SLC49A4: variants seen among roughly 807,000 people sequenced by gnomAD.
SLC49A4 encodes disrupted in renal cancer protein 2.
SLC49A4 carries 36 observed loss-of-function variants against 50.6 expected under a neutral mutation model. The observed-to-expected ratio is 0.71, with a 90% CI of 0.55 to 0.94. The LOEUF is 0.94. Among genes scored for constraint, SLC49A4 ranks in the 40% least tolerant of loss-of-function variants. SLC49A4 has a pLI of 0.00. For missense variants in SLC49A4, 503 were observed against 605.7 expected (o/e 0.83, Z 1.78); for synonymous variants, 248 against 241.2 (o/e 1.03, Z -0.26).
intron 8 of SLC49A4, among the ~76,000 whole-genome samples, chr3:122,878,060 A>G (rs574031430): frequency 6.6e-6 from 1 of 152,350 alleles, no homozygotes; most frequent in South Asian, 2.1e-4. Context: ...TTTTCTTGCC[A>G]GTCAGTTTTC....
intron 2 of SLC49A4, among the ~76,000 whole-genome samples, chr3:122,816,985 G>A (rs2107561298): frequency 6.6e-6 from 1 of 152,232 alleles, no homozygotes; most frequent in South Asian, 2.1e-4. Context: ...ATGACCCTGG[G>A]GTAATAGTTA....
chr3:122,876,278 T>C (rs191068755), intron 8 of SLC49A4, among the ~76,000 whole-genome samples: 2 of 152,330 alleles, frequency 1.3e-5, no homozygotes, highest in East Asian at 3.9e-4. Context: ...TTACTTTTTG[T>C]TCTAGAAGCT....
intron 1 of SLC49A4, among the ~76,000 whole-genome samples, chr3:122,804,015 C>T (rs1464038083): frequency 6.6e-6 from 1 of 152,068 alleles, no homozygotes; most frequent in Non-Finnish European, 1.5e-5. Flanking sequence ...TAGGCAGTTC[C>T]TACATTGCTA....
intron 4 of SLC49A4, among the ~76,000 whole-genome samples, chr3:122,841,329 G>C (rs753405845): frequency 2.0e-5 from 3 of 152,066 alleles, no homozygotes; most frequent in Non-Finnish European, 4.4e-5. Context: ...TTCTCTTTTG[G>C]TCTCTTCTTT....
chr3:122,864,945 C>T (rs1305341384), intron 7 of SLC49A4, among the ~76,000 whole-genome samples: 3 of 152,030 alleles, frequency 2.0e-5, no homozygotes, highest in African/African-American at 4.8e-5. Context: ...CCTGGAAGTT[C>T]GAGGCTGTAG....
chr3:122,825,703 A>C (rs1365246147), intron 2 of SLC49A4, among the ~76,000 whole-genome samples: 1 of 98,162 alleles, frequency 1.0e-5, no homozygotes, highest in Non-Finnish European at 2.5e-5. Flanking sequence ...GAAAAAGATG[A>C]GTTCATATCA....
intron 8 of SLC49A4, among the ~76,000 whole-genome samples, chr3:122,877,132 G>C (rs984927924): frequency 6.6e-6 from 1 of 152,182 alleles, no homozygotes; most frequent in African/African-American, 2.4e-5. Flanking sequence ...GACAGCAGCT[G>C]ACTTTGCTAC....
At chr3:122,795,629 C>T (rs1219540741) in intron 1 of SLC49A4, 94 bp downstream of exon 1, 1 of 1,487,530 alleles carries the variant, frequency 6.7e-7, no homozygotes, top group South Asian at 1.3e-5. Context: ...CCCTTGGCCC[C>T]GGCATAGGGG....
At chr3:122,798,634 C>CTTTTTTTTT (rs71136594) in intron 1 of SLC49A4, among the ~76,000 whole-genome samples, 4 of 62,826 alleles carry the variant, frequency 6.4e-5, no homozygotes, top group Non-Finnish European at 8.2e-5. Flanking sequence ...ACTAAAATAT[C>CTTTTTTTTT]TTTTTTTTTT....
intron 7 of SLC49A4, among the ~76,000 whole-genome samples, chr3:122,867,329 A>C (rs1306683104): frequency 2.0e-5 from 3 of 151,938 alleles, no homozygotes; most frequent in Admixed American, 6.5e-5. Flanking sequence ...TTCTTTTTTC[A>C]CTGTGACACA....
intron 2 of SLC49A4, among the ~76,000 whole-genome samples, chr3:122,809,926 A>T (rs910277704): frequency 1.3e-5 from 2 of 152,230 alleles, no homozygotes; most frequent in African/African-American, 4.8e-5. Context: ...AGTGTTGTTA[A>T]CAATGCATGA....
chr3:122,840,007 C>T (rs1936745753), intron 4 of SLC49A4, among the ~76,000 whole-genome samples: 1 of 152,100 alleles, frequency 6.6e-6, no homozygotes, highest in Non-Finnish European at 1.5e-5. Context: ...GCCCATTGAC[C>T]AATGAGTAGG....
intron 2 of SLC49A4, among the ~76,000 whole-genome samples, chr3:122,814,004 C>T (rs1936332468): frequency 6.6e-6 from 1 of 152,196 alleles, no homozygotes; most frequent in African/African-American, 2.4e-5. Context: ...AAAGTGGTGG[C>T]TCACACCTGT....
intron 2 of SLC49A4, among the ~76,000 whole-genome samples, chr3:122,810,920 A>G (rs762019311): frequency 5.3e-5 from 8 of 152,186 alleles, no homozygotes; most frequent in Non-Finnish European, 1.0e-4. Flanking sequence ...CTCCCTTACC[A>G]CTTAAGTAAA....
At chr3:122,869,761 A>G (rs1479531842) in intron 7 of SLC49A4, among the ~76,000 whole-genome samples, 3 of 152,244 alleles carry the variant, frequency 2.0e-5, no homozygotes, top group Non-Finnish European at 2.9e-5. Flanking sequence ...CAGGATTTAG[A>G]TACATAAAAA....
intron 1 of SLC49A4, 59 bp downstream of exon 1, chr3:122,795,594 C>G (rs1936018541): frequency 1.4e-5 from 22 of 1,534,248 alleles, no homozygotes; most frequent in Non-Finnish European, 1.9e-5. Flanking sequence ...GGCGCCTGCC[C>G]GCGCTCCAGG....
chr3:122,812,712 T>C (rs1283740008), intron 2 of SLC49A4, among the ~76,000 whole-genome samples: 1 of 152,234 alleles, frequency 6.6e-6, no homozygotes, highest in Non-Finnish European at 1.5e-5. Context: ...ATTAAACAAA[T>C]ACCTTTATGC....
At chr3:122,830,197 C>T (rs894686314) in intron 3 of SLC49A4, among the ~76,000 whole-genome samples, 4 of 152,308 alleles carry the variant, frequency 2.6e-5, no homozygotes, top group African/African-American at 7.2e-5. Context: ...AATGGAAAGG[C>T]ATTCCATGTT....
At chr3:122,818,949 C>A (rs755068724) in intron 2 of SLC49A4, among the ~76,000 whole-genome samples, 3 of 150,256 alleles carry the variant, frequency 2.0e-5, no homozygotes, top group East Asian at 2.0e-4. Context: ...TCTGTCCCCC[C>A]CAAAAAAAAA....
Sources: allele counts gnomAD v4.1 joint callset (sites outside exome capture counted in the v4.1 genomes callset), GRCh38; gene constraint gnomAD v4.1.1; transcripts MANE v1.5; gene names NCBI Gene and HGNC (gene_info 2026-07-23, HGNC 2026-07-21).